SLC39A11: variants seen among roughly 807,000 people sequenced by gnomAD.
SLC39A11 encodes the protein solute carrier family 39 member 11.
In SLC39A11, 33 loss-of-function variants were observed where a neutral mutation model predicts 36.1. The observed-to-expected ratio is 0.91, with a 90% CI of 0.69 to 1.22. The LOEUF is 1.22. Ranked by LOEUF, SLC39A11 falls within the 50% of genes most tolerant of loss-of-function variation. SLC39A11 has a pLI of 0.00. For missense variants in SLC39A11, 432 were observed against 430.3 expected, an observed-to-expected ratio of 1.00 and a Z score of -0.03; for synonymous variants, 166 against 170.3, an observed-to-expected ratio of 0.97 and a Z score of 0.20.
chr17:73,088,459 C>A (rs1368768796), intron 2 of SLC39A11, among the ~76,000 whole-genome samples, 198 bp downstream of exon 2: 1 of 152,078 alleles, frequency 6.6e-6, no homozygotes, highest in Admixed American at 6.6e-5. Flanking sequence ...GTGTCTACAG[C>A]AAGCAGACAT....
chr17:73,022,316 C>T (rs974352413), intron 4 of SLC39A11, among the ~76,000 whole-genome samples: 2 of 152,174 alleles, frequency 1.3e-5, no homozygotes, highest in African/African-American at 4.8e-5. Context: ...GCCAGCAGGC[C>T]GAGTGCAGTG....
At chr17:73,076,527 T>A (rs1446013697) in intron 3 of SLC39A11, among the ~76,000 whole-genome samples, 1 of 152,334 alleles carries the variant, frequency 6.6e-6, no homozygotes, top group East Asian at 1.9e-4. Flanking sequence ...TGTAACAGCA[T>A]GCTACAGTGC....
chr17:72,734,946 G>A (rs2074361345), intron 7 of SLC39A11, among the ~76,000 whole-genome samples: 1 of 152,184 alleles, frequency 6.6e-6, no homozygotes, highest in Non-Finnish European at 1.5e-5. Flanking sequence ...TGCTGTGCCA[G>A]GGGCAGAAGA....
chr17:72,648,653 G>T, intron 9 of SLC39A11, 150 bp downstream of exon 9: 1 of 966,348 alleles, frequency 1.0e-6, no homozygotes, highest in Non-Finnish European at 1.5e-6. Context: ...AGAGAGCACA[G>T]TTGAGGAGGC....
At chr17:72,853,578 C>A (rs183881879) in intron 5 of SLC39A11, among the ~76,000 whole-genome samples, 35 of 152,124 alleles carry the variant, frequency 2.3e-4, no homozygotes, top group African/African-American at 6.3e-4. Context: ...ATAAAGAATT[C>A]TTCACCAAAA....
chr17:72,781,484 C>T (rs547112212), intron 6 of SLC39A11, among the ~76,000 whole-genome samples: 3 of 151,446 alleles, frequency 2.0e-5, no homozygotes, highest in East Asian at 1.9e-4. Flanking sequence ...AGTGCAATGG[C>T]GCGATCTCGG....
intron 6 of SLC39A11, among the ~76,000 whole-genome samples, chr17:72,760,136 C>A (rs1324503555): frequency 6.6e-6 from 1 of 152,200 alleles, no homozygotes; most frequent in African/African-American, 2.4e-5. Context: ...AAGTGATTCT[C>A]GTGCCTCAGC....
intron 7 of SLC39A11, among the ~76,000 whole-genome samples, chr17:72,653,977 C>A (rs2069988224): frequency 1.3e-5 from 2 of 152,176 alleles, no homozygotes; most frequent in South Asian, 4.1e-4. Context: ...AAAAGGAAAT[C>A]TAGCTACAGA....
At chr17:73,034,011 C>A (rs2058824624) in intron 3 of SLC39A11, among the ~76,000 whole-genome samples, 1 of 152,154 alleles carries the variant, frequency 6.6e-6, no homozygotes, top group Admixed American at 6.6e-5. Flanking sequence ...AGGATGGGAG[C>A]TGAGGCTGAT....
chr17:72,944,329 C>CAAA (rs1186292397), intron 5 of SLC39A11, among the ~76,000 whole-genome samples: 1 of 152,172 alleles, frequency 6.6e-6, no homozygotes, highest in African/African-American at 2.4e-5. Flanking sequence ...GGGAAATTAA[C>CAAA]AATTAGTAAG....
At chr17:72,661,761 G>A (rs190348841) in intron 7 of SLC39A11, among the ~76,000 whole-genome samples, 28 of 152,254 alleles carry the variant, frequency 1.8e-4, no homozygotes, top group Admixed American at 1.4e-3. Context: ...TGCAGTTCTC[G>A]GAAACTTCTT....
chr17:73,035,998 T>C (rs191185117), intron 3 of SLC39A11, among the ~76,000 whole-genome samples: 1 of 151,854 alleles, frequency 6.6e-6, no homozygotes, highest in East Asian at 1.9e-4. Context: ...GGCCATCTGC[T>C]AGGGAAGGGA....
chr17:72,795,759 T>C (rs1323537161), intron 6 of SLC39A11, among the ~76,000 whole-genome samples: 2 of 152,140 alleles, frequency 1.3e-5, no homozygotes, highest in East Asian at 3.8e-4. Flanking sequence ...TTACTACTTG[T>C]CACAGAGGCA....
At chr17:72,946,348 C>T (rs1342331393) in intron 5 of SLC39A11, among the ~76,000 whole-genome samples, 13 of 152,164 alleles carry the variant, frequency 8.5e-5, no homozygotes, top group Non-Finnish European at 1.5e-5. Flanking sequence ...GAGGATTAAC[C>T]CAAATGGAGA....
intron 6 of SLC39A11, among the ~76,000 whole-genome samples, chr17:72,759,529 T>C (rs962572): frequency 0.32 from 48,446 of 152,128 alleles, 12,239 homozygotes; most frequent in African/African-American, 0.69. Flanking sequence ...AGTAACATCA[T>C]GGTTCAGTTA....
intron 5 of SLC39A11, among the ~76,000 whole-genome samples, chr17:72,876,787 C>A (rs1021086151): frequency 6.6e-6 from 1 of 152,216 alleles, no homozygotes; most frequent in Non-Finnish European, 1.5e-5. Context: ...GGATTTGAGA[C>A]TGACCTCCTA....
At chr17:72,862,807 A>G (rs1250213407) in intron 5 of SLC39A11, among the ~76,000 whole-genome samples, 2 of 152,186 alleles carry the variant, frequency 1.3e-5, no homozygotes, top group Admixed American at 6.5e-5. Context: ...CTCCTATTAC[A>G]CAAAGAAAGG....
rs1003833763 is a variant in SLC39A11, at chr17:73,002,400, C to T, written c.306+29156G>A. Reference sequence around the variant, plus strand: ...TCAGTCGGTGGGATGCCAGAGCCTGCGCTACTGGTAACTCTGGTGCCTCTT... The same window carrying T: ...TCAGTCGGTGGGATGCCAGAGCCTGTGCTACTGGTAACTCTGGTGCCTCTT... On this transcript the variant is annotated intron_variant, in intron 4 of 9. Coordinates refer to ENST00000255559, the MANE Select transcript of SLC39A11 (RefSeq NM_139177.4). Among the ~76,000 whole-genome samples the T allele has an allele frequency of 1.5e-4, 23 of 152,194 alleles. 1 individual carries two copies. The highest frequency in any genetic ancestry group is 4.1e-4 in the African/African-American group (17 of 41,538).
chr17:73,046,524 G>C (rs2143717752), intron 3 of SLC39A11, among the ~76,000 whole-genome samples: 1 of 152,228 alleles, frequency 6.6e-6, no homozygotes, highest in Admixed American at 6.5e-5. Context: ...GATAATTTCA[G>C]ATAAAGAATA....
Sources: allele counts gnomAD v4.1 joint callset (sites outside exome capture counted in the v4.1 genomes callset), GRCh38; gene constraint gnomAD v4.1.1; transcripts MANE v1.5; gene names NCBI Gene and HGNC (gene_info 2026-07-23, HGNC 2026-07-21).